NXPE2: variants seen among roughly 807,000 people sequenced by gnomAD.
NXPE2 encodes the protein NXPE family member 2.
In NXPE2, 34 loss-of-function variants were observed where a neutral mutation model predicts 34.4. That is an observed-to-expected ratio of 0.99 (90% CI 0.75 to 1.31). NXPE2 has a LOEUF of 1.31. Ranked by LOEUF, NXPE2 falls within the 40% of genes most tolerant of loss-of-function variation. NXPE2 has a pLI of 0.00. For missense variants in NXPE2, 649 were observed against 672.5 expected (o/e 0.97, Z 0.39); for synonymous variants, 235 against 231.3 (o/e 1.02, Z -0.15).
At chr11:114,581,154 C>T in the NXPE2 span, among the ~76,000 whole-genome samples, 1 of 152,146 alleles carries the variant, frequency 6.6e-6, no homozygotes, top group Non-Finnish European at 1.5e-5. Flanking sequence ...CTTGCAGAGA[C>T]ATAAAAGCTC....
intron 2 of NXPE2, among the ~76,000 whole-genome samples, chr11:114,680,507 C>T (rs1950930969): frequency 6.6e-6 from 1 of 151,972 alleles, no homozygotes; most frequent in African/African-American, 2.4e-5. Flanking sequence ...TTTTCCTGGG[C>T]CCTCTCTATA....
the NXPE2 span, among the ~76,000 whole-genome samples, chr11:114,799,363 A>G: frequency 9.2e-5 from 14 of 151,966 alleles, no homozygotes; most frequent in Admixed American, 7.2e-4. Context: ...GTTGGCAAAA[A>G]TGCTGGCTGA....
the NXPE2 span, among the ~76,000 whole-genome samples, chr11:114,548,511 A>C: frequency 9.2e-5 from 14 of 152,240 alleles, no homozygotes; most frequent in East Asian, 2.5e-3. Flanking sequence ...TTTATGAAAT[A>C]AAAACCCCAA....
chr11:114,537,997 C>G, the NXPE2 span, among the ~76,000 whole-genome samples: 9 of 152,292 alleles, frequency 5.9e-5, no homozygotes, highest in South Asian at 1.7e-3. Flanking sequence ...AAGAACAAAG[C>G]TGGAGGCATC....
At chr11:114,581,774 A>G in the NXPE2 span, 1 of 1,609,690 alleles carries the variant, frequency 6.2e-7, no homozygotes, top group Non-Finnish European at 8.5e-7. Context: ...TAATCTCTAC[A>G]CCCACATTTG....
chr11:114,466,554 G>T, the NXPE2 span, among the ~76,000 whole-genome samples: 1 of 137,620 alleles, frequency 7.3e-6, no homozygotes, highest in Admixed American at 7.3e-5. Context: ...TTAATTTCTT[G>T]AATATATATA....
At chr11:114,654,696 A>G in the NXPE2 span, among the ~76,000 whole-genome samples, 2 of 152,156 alleles carry the variant, frequency 1.3e-5, no homozygotes, top group South Asian at 2.1e-4. Context: ...TATATATACC[A>G]TATTTTCTTT....
At chr11:114,602,994 T>G in the NXPE2 span, among the ~76,000 whole-genome samples, 2 of 150,924 alleles carry the variant, frequency 1.3e-5, no homozygotes, top group African/African-American at 4.9e-5. Context: ...TCATATATAA[T>G]TACAGAATCA....
the NXPE2 span, among the ~76,000 whole-genome samples, chr11:114,480,525 A>G: frequency 6.6e-6 from 1 of 152,208 alleles, no homozygotes; most frequent in Non-Finnish European, 1.5e-5. Flanking sequence ...CACAACCAGA[A>G]GCAAAGTTGA....
intron 1 of NXPE2, among the ~76,000 whole-genome samples, chr11:114,678,850 ATG>A (rs137967033): frequency 6.7e-6 from 1 of 148,626 alleles, no homozygotes; most frequent in Non-Finnish European, 1.5e-5. Context: ...TGGGGCGTGT[ATG>A]TGTGTGTGTG....
At chr11:114,625,426 C>T in the NXPE2 span, among the ~76,000 whole-genome samples, 3 of 152,048 alleles carry the variant, frequency 2.0e-5, no homozygotes, top group East Asian at 3.9e-4. Context: ...ACCACTTCTA[C>T]CACATGGATA....
At chr11:114,662,912 T>C in the NXPE2 span, among the ~76,000 whole-genome samples, 3 of 152,280 alleles carry the variant, frequency 2.0e-5, no homozygotes, top group African/African-American at 7.2e-5. Flanking sequence ...AGGTACTATA[T>C]TGAGGGCCTT....
chr11:114,601,769 ATAT>A, the NXPE2 span, among the ~76,000 whole-genome samples: 235 of 73,352 alleles, frequency 3.2e-3, 10 homozygotes, highest in African/African-American at 0.012. Flanking sequence ...ATGTGATTAT[ATAT>A]TATAATTATA....
At chr11:114,806,690 G>A in the NXPE2 span, among the ~76,000 whole-genome samples, 1 of 152,100 alleles carries the variant, frequency 6.6e-6, no homozygotes, top group Non-Finnish European at 1.5e-5. Flanking sequence ...ATGGGACTAT[G>A]TGAAAAGACC....
the NXPE2 span, among the ~76,000 whole-genome samples, chr11:114,767,471 G>A: frequency 2.0e-5 from 3 of 152,122 alleles, no homozygotes; most frequent in African/African-American, 7.2e-5. Context: ...CTTTCCCTGG[G>A]CTTGCAGTTT....
At chr11:114,620,803 C>G in the NXPE2 span, among the ~76,000 whole-genome samples, 2 of 151,888 alleles carry the variant, frequency 1.3e-5, no homozygotes, top group African/African-American at 4.8e-5. Flanking sequence ...AGTGTTGCCT[C>G]AGGGGAACCA....
At chr11:114,583,882 CTT>C in the NXPE2 span, 3 of 392,584 alleles carry the variant, frequency 7.6e-6, no homozygotes, top group East Asian at 1.7e-4. Context: ...GAGATGGGGA[CTT>C]ATGGGTTATT....
At chr11:114,516,635 T>C in the NXPE2 span, among the ~76,000 whole-genome samples, 1 of 152,256 alleles carries the variant, frequency 6.6e-6, no homozygotes, top group South Asian at 2.1e-4. Context: ...ATGATCTATA[T>C]AATGAGCCTT....
the NXPE2 span, among the ~76,000 whole-genome samples, chr11:114,607,446 G>A: frequency 6.6e-6 from 1 of 151,734 alleles, no homozygotes; most frequent in Non-Finnish European, 1.5e-5. Flanking sequence ...GGAAACCACT[G>A]TTACCTGGTG....
Sources: gnomAD v4.1 joint callset for allele counts (sites outside exome capture counted in the v4.1 genomes callset) on GRCh38, gnomAD v4.1.1 for gene constraint, MANE v1.5 for transcripts, NCBI Gene and HGNC (gene_info 2026-07-23, HGNC 2026-07-21) for gene names.